CORO7: variants seen among roughly 807,000 people sequenced by gnomAD.
CORO7 encodes coronin 7.
In CORO7, 107 loss-of-function variants were observed where a neutral mutation model predicts 126.6. The observed-to-expected ratio is 0.85, with a 90% CI of 0.72 to 0.99. The LOEUF (loss-of-function observed/expected upper bound fraction) is 0.99. CORO7 is among the 50% of genes least tolerant of loss of function. CORO7 has a pLI of 0.00. For missense variants in CORO7, 1,314 were observed against 1,255.8 expected (o/e 1.05, Z -0.70); for synonymous variants, 603 against 536.8 (o/e 1.12, Z -1.70).
intron 10 of CORO7, 24 bp from the exon 11 acceptor site, chr16:4,365,084 C>T (rs2054307575): frequency 6.3e-7 from 1 of 1,581,394 alleles, no homozygotes; most frequent in Non-Finnish European, 8.6e-7. Flanking sequence ...GAACTGAGCC[C>T]CGTTTGCTGA....
chr16:4,364,743 C>A, intron 12 of CORO7, 32 bp downstream of exon 12: 1 of 1,599,376 alleles, frequency 6.3e-7, no homozygotes, highest in Non-Finnish European at 8.5e-7. Context: ...GACTCCCCAG[C>A]CCCCGCAGTC....
intron 25 of CORO7, chr16:4,357,736 G>C (rs1286579634): frequency 1.5e-6 from 1 of 662,780 alleles, no homozygotes; most frequent in Non-Finnish European, 2.4e-6. Flanking sequence ...CCCTGCCCTA[G>C]ACACCACAGT....
At chr16:4,387,715 G>C (rs1433646618) in intron 9 of CORO7, 2 of 558,872 alleles carry the variant, frequency 3.6e-6, no homozygotes, top group East Asian at 5.8e-5. Context: ...AAGCATACCT[G>C]TGTCAACCCC....
At position 4,412,712 on chromosome 16, in the gene CORO7, G is replaced by T. The variant is rs979402259; in HGVS notation, c.158-282C>A. 3.5e-5 allele frequency: 16 copies of T among 452,166 alleles called. No individual in the cohort carries two copies. The Admixed American group carries it at 5.5e-4, about 16-fold the overall frequency. 28.0% of individuals were successfully genotyped at this position (452,166 alleles called of 1,614,324 possible). On this transcript the variant is annotated intron_variant, in intron 2 of 27. Coordinates refer to ENST00000251166, the MANE Select transcript of CORO7 (RefSeq NM_024535.5). ...AAGGGGCGTGGGGCTTTCGTATGGG[G>T]CTTGCAGCTACCGTCAGCCACTTTT...
chr16:4,374,168 G>A (rs1596295551), intron 9 of CORO7, among the ~76,000 whole-genome samples: 1 of 151,516 alleles, frequency 6.6e-6, no homozygotes, highest in East Asian at 1.9e-4. Context: ...GCGCGTGACT[G>A]GAGCAGGGCT....
At chr16:4,409,140 G>A (rs2056112726) in intron 3 of CORO7, among the ~76,000 whole-genome samples, 1 of 152,110 alleles carries the variant, frequency 6.6e-6, no homozygotes, top group African/African-American at 2.4e-5. Flanking sequence ...TATCACCAGA[G>A]CTGGGAGCAC....
intron 1 of CORO7, among the ~76,000 whole-genome samples, chr16:4,415,507 A>G (rs570864354): frequency 1.3e-5 from 2 of 152,228 alleles, no homozygotes; most frequent in South Asian, 2.1e-4. Flanking sequence ...TGAGGCTACA[A>G]GTGCCACAGG....
intron 7 of CORO7, among the ~76,000 whole-genome samples, chr16:4,389,176 G>A (rs1281778955): frequency 6.6e-6 from 1 of 152,166 alleles, no homozygotes; most frequent in Non-Finnish European, 1.5e-5. Flanking sequence ...CAAGAGGCAG[G>A]GCCTGGGACC....
chr16:4,374,858 TCCTTG>T (rs1483689695), intron 9 of CORO7, among the ~76,000 whole-genome samples: 8 of 152,092 alleles, frequency 5.3e-5, no homozygotes, highest in Non-Finnish European at 1.2e-4. Context: ...CTGGCGGCCT[TCCTTG>T]GTGACTAAGG....
chr16:4,407,792 GACCACAC>G, intron 4 of CORO7, 108 bp from the exon 5 acceptor site: 2 of 1,361,214 alleles, frequency 1.5e-6, no homozygotes, highest in South Asian at 3.0e-5. Flanking sequence ...TGCTCCAGGA[GACCACAC>G]ACCTTGGCCT....
At chr16:4,395,452 C>G (rs529354773) in intron 6 of CORO7, 113 bp from the exon 7 acceptor site, 3 of 1,398,946 alleles carry the variant, frequency 2.1e-6, no homozygotes, top group African/African-American at 2.8e-5. Context: ...ATCCCCAGCA[C>G]GCAGGGCTGC....
rs1438681359 is a variant in CORO7, at chr16:4,359,471, C to A, written c.2250+9G>T. The A allele has an allele frequency of 6.2e-7, 1 of 1,613,522 alleles. No homozygotes were observed. The highest frequency in any genetic ancestry group is 8.5e-7 in the Non-Finnish European group (1 of 1,179,960). On this transcript the variant is annotated intron_variant, in intron 22 of 27. Coordinates refer to ENST00000251166, the MANE Select transcript of CORO7 (RefSeq NM_024535.5). The stretch of plus-strand genomic sequence containing the variant: ...CTCACCTGCCATCCCGCCCTCCAGC[C>A]CAGCCCACCTTGCCGGTCAGGAGCA...
At chr16:4,409,120 G>A (rs1027995762) in intron 3 of CORO7, among the ~76,000 whole-genome samples, 2 of 152,192 alleles carry the variant, frequency 1.3e-5, no homozygotes. Flanking sequence ...GGTGTGAACA[G>A]GACGAGAGGT....
At chr16:4,371,098 G>A (rs1300090983) in intron 9 of CORO7, among the ~76,000 whole-genome samples, 2 of 152,150 alleles carry the variant, frequency 1.3e-5, no homozygotes, top group East Asian at 1.9e-4. Context: ...ACCCACCGAC[G>A]GTGACCACCC....
intron 23 of CORO7, chr16:4,358,785 A>T: frequency 2.8e-6 from 1 of 358,786 alleles, no homozygotes; most frequent in Non-Finnish European, 5.0e-6. Flanking sequence ...CATTTCCTCC[A>T]TGCACTCCAA....
chr16:4,359,769 C>A, intron 21 of CORO7, 148 bp from the exon 22 acceptor site: 1 of 1,051,344 alleles, frequency 9.5e-7, no homozygotes, highest in Non-Finnish European at 1.3e-6. Context: ...CTAACCTGCC[C>A]CTCCACCTCT....
intron 3 of CORO7, among the ~76,000 whole-genome samples, chr16:4,409,668 A>C (rs1233526521): frequency 3.3e-5 from 5 of 152,214 alleles, no homozygotes; most frequent in Non-Finnish European, 7.3e-5. Flanking sequence ...TCAGCATGAC[A>C]TGCTGCTGCC....
intron 4 of CORO7, 84 bp from the exon 5 acceptor site, chr16:4,407,768 T>C (rs2056060210): frequency 8.3e-6 from 12 of 1,449,454 alleles, no homozygotes; most frequent in Non-Finnish European, 1.0e-5. Flanking sequence ...TGAGGTCCCG[T>C]GTTGGAACTA....
At chr16:4,413,462 G>T (rs1379180163) in intron 1 of CORO7, 58 bp from the exon 2 acceptor site, 47 of 1,494,756 alleles carry the variant, frequency 3.1e-5, no homozygotes, top group African/African-American at 4.2e-5. Flanking sequence ...CTCCATGCAT[G>T]CCTAAAGCAA....
Sources: gnomAD v4.1 joint callset for allele counts (sites outside exome capture counted in the v4.1 genomes callset) on GRCh38, gnomAD v4.1.1 for gene constraint, MANE v1.5 for transcripts, NCBI Gene and HGNC (gene_info 2026-07-23, HGNC 2026-07-21) for gene names.